STIM1: variants seen among roughly 807,000 people sequenced by gnomAD.
The protein encoded by STIM1 is stromal interaction molecule 1.
STIM1 carries 25 observed loss-of-function variants against 74.7 expected under a neutral mutation model. The observed-to-expected ratio is 0.33, with a 90% CI of 0.24 to 0.47. STIM1 has a LOEUF of 0.47. STIM1 is among the 20% of genes least tolerant of loss of function. The probability of loss-of-function intolerance (pLI) is 1.00; values close to 1 mark genes in which losing one functional copy is unlikely to be tolerated. For synonymous variants in STIM1, 328 were observed against 348.8 expected (o/e 0.94, Z 0.66); for missense variants, 728 against 920.8 (o/e 0.79, Z 2.71).
chr11:4,064,863 A>T (rs951897390), intron 5 of STIM1, among the ~76,000 whole-genome samples: 1 of 152,240 alleles, frequency 6.6e-6, no homozygotes, highest in East Asian at 1.9e-4. Flanking sequence ...GGGCTCGCCA[A>T]ACAGTACCAG....
intron 1 of STIM1, among the ~76,000 whole-genome samples, chr11:3,866,937 C>G (rs576344094): frequency 2.6e-4 from 40 of 152,264 alleles, no homozygotes; most frequent in African/African-American, 8.9e-4. Flanking sequence ...AGAGCCATGT[C>G]TGGTTTGTTG....
intron 2 of STIM1, among the ~76,000 whole-genome samples, chr11:4,001,709 A>G (rs2093719410): frequency 6.6e-6 from 1 of 151,774 alleles, no homozygotes; most frequent in Admixed American, 6.6e-5. Flanking sequence ...TAACATCATA[A>G]TGACAGGATC....
chr11:3,884,004 A>G (rs1026396911), intron 1 of STIM1, among the ~76,000 whole-genome samples: 6 of 152,184 alleles, frequency 3.9e-5, no homozygotes, highest in African/African-American at 1.4e-4. Flanking sequence ...CAAGGAGATA[A>G]GTAATATAAT....
In STIM1 at chr11:4,041,063, A is replaced by C. The variant is rs571563902; in HGVS notation, c.386-14463A>C. ...AATTCACAGTTCCAGGTCACACACT[A>C]TCTTTAGGAAGGGCCACTTTGGAAG... On this transcript the variant is annotated intron_variant, in intron 3 of 12. Coordinates refer to ENST00000526596, the MANE Select transcript of STIM1 (RefSeq NM_001382567.1). 2.0e-5 allele frequency among the ~76,000 whole-genome samples: 3 copies of C among 152,202 alleles called. No homozygotes were observed. In the South Asian group the frequency reaches 6.2e-4, roughly 32 times the overall value.
chr11:3,983,170 G>C (rs2093523722), intron 2 of STIM1, among the ~76,000 whole-genome samples: 1 of 152,184 alleles, frequency 6.6e-6, no homozygotes, highest in East Asian at 1.9e-4. Flanking sequence ...CTGGTTTCCA[G>C]TAATCGGCCT....
At chr11:3,866,085 C>A (rs2090844900) in intron 1 of STIM1, among the ~76,000 whole-genome samples, 1 of 152,188 alleles carries the variant, frequency 6.6e-6, no homozygotes. Flanking sequence ...TTTCCTGACA[C>A]AGAGTTCCAG....
At chr11:4,014,854 C>G (rs1162447045) in intron 2 of STIM1, among the ~76,000 whole-genome samples, 2 of 152,192 alleles carry the variant, frequency 1.3e-5, no homozygotes, top group South Asian at 2.1e-4. Context: ...TCTGTTTTAT[C>G]AGAGACTAGG....
intron 10 of STIM1, among the ~76,000 whole-genome samples, chr11:4,084,226 T>C (rs751927740): frequency 1.3e-5 from 2 of 152,240 alleles, no homozygotes; most frequent in Non-Finnish European, 2.9e-5. Flanking sequence ...GATCAGATGC[T>C]ATTTTAAGTA....
intron 1 of STIM1, among the ~76,000 whole-genome samples, chr11:3,904,519 G>A (rs764981606): frequency 2.6e-5 from 4 of 152,150 alleles, no homozygotes; most frequent in African/African-American, 4.8e-5. Context: ...AAGCTTTACC[G>A]TCGATATTTA....
At position 4,086,490 on chromosome 11, in the gene STIM1, G is replaced by C. The variant is rs761641457; in HGVS notation, c.1581G>C (p.Gln527His). The change falls in exon 12 of 13, where the codon CAG becomes CAC. Residue 527 changes from glutamine to histidine, a missense_variant. Physicochemically the swap from Gln to His is conservative, Grantham distance 24 (BLOSUM62 0). Coordinates refer to ENST00000526596, the MANE Select transcript of STIM1 (RefSeq NM_001382567.1). ...SLWKYPAPSL[Q>H]SSVRQRLTEP... ...TTCTCCTTGCAGCCCCTAGCCTGCA[G>C]AGCAGTGTTCGGCAGCGCCTGACGG... The C allele has an allele frequency of 6.2e-7, 1 of 1,614,150 alleles. No homozygotes were observed. Among genetic ancestry groups the C allele is most frequent in the Non-Finnish European group, 8.5e-7 (1 of 1,180,032 alleles).
At chr11:4,086,014 TTAA>T (rs2094491100) in intron 11 of STIM1, among the ~76,000 whole-genome samples, 3 of 152,250 alleles carry the variant, frequency 2.0e-5, no homozygotes, top group Admixed American at 6.5e-5. Flanking sequence ...CATACAACTA[TTAA>T]TAAAAAGTAA....
intron 2 of STIM1, among the ~76,000 whole-genome samples, chr11:3,993,052 A>G (rs930022750): frequency 1.4e-5 from 2 of 147,752 alleles, no homozygotes; most frequent in African/African-American, 2.5e-5. Flanking sequence ...TGTAGCAGCT[A>G]GAGAGCTTTT....
At chr11:3,955,429 C>G (rs1450308831) in intron 1 of STIM1, among the ~76,000 whole-genome samples, 1 of 151,996 alleles carries the variant, frequency 6.6e-6, no homozygotes, top group East Asian at 1.9e-4. Flanking sequence ...ACAGGTAAAA[C>G]TCGTCTATGA....
At position 4,065,321 on chromosome 11, in the gene STIM1, A is replaced by G. The variant is rs2094358164; in HGVS notation, c.614-4705A>G. Among the ~76,000 whole-genome samples, 6 of 152,124 alleles carry G rather than the reference A, an allele frequency of 3.9e-5. No homozygotes were observed. In the South Asian group the frequency reaches 1.2e-3, roughly 31 times the overall value. On this transcript the variant is annotated intron_variant, in intron 5 of 12. Transcript: ENST00000526596. ...TGCTTTTCTGGCAAAGCTCACTCTGATCTCTGTACCTGCATCCTTACCCTC... is the reference window on the plus strand; with the variant it reads ...TGCTTTTCTGGCAAAGCTCACTCTGGTCTCTGTACCTGCATCCTTACCCTC...
chr11:3,873,656 A>T (rs1009745576), intron 1 of STIM1, among the ~76,000 whole-genome samples: 1 of 152,018 alleles, frequency 6.6e-6, no homozygotes, highest in African/African-American at 2.4e-5. Flanking sequence ...TGCATTCTGG[A>T]GTGAGGGGTG....
At chr11:3,913,955 A>T (rs868522416) in intron 1 of STIM1, among the ~76,000 whole-genome samples, 37 of 151,572 alleles carry the variant, frequency 2.4e-4, no homozygotes, top group Middle Eastern at 3.4e-3. Flanking sequence ...TTTTTTTATT[A>T]TTTTTTTTGG....
rs2090464091 is a variant in STIM1, at chr11:3,858,277, A to G, written c.139+1868A>G. On this transcript the variant is annotated intron_variant, in intron 1 of 12. Coordinates refer to ENST00000526596, the MANE Select transcript of STIM1 (RefSeq NM_001382567.1). ...TTGTTTTTCGCCTGAAGTAAAAGGC[A>G]TTCTAGCCTTCCTCAGGACCACCCC... Among the ~76,000 whole-genome samples, 2 of 148,722 alleles carry G rather than the reference A, an allele frequency of 1.3e-5. 1 individual carries two copies. Among genetic ancestry groups the G allele is most frequent in the Non-Finnish European group, 3.0e-5 (2 of 67,384 alleles).
At chr11:4,062,055 G>T (rs928557357) in intron 5 of STIM1, among the ~76,000 whole-genome samples, 1 of 152,302 alleles carries the variant, frequency 6.6e-6, no homozygotes, top group South Asian at 2.1e-4. Context: ...TTTGGAACTA[G>T]ATAGAGGTAG....
intron 2 of STIM1, among the ~76,000 whole-genome samples, chr11:3,968,297 G>A (rs1012015749): frequency 6.6e-6 from 1 of 152,200 alleles, no homozygotes; most frequent in Admixed American, 6.5e-5. Context: ...AGAGAATAAG[G>A]TCATTATGTG....
Sources: gnomAD v4.1 joint callset for allele counts (sites outside exome capture counted in the v4.1 genomes callset) on GRCh38, gnomAD v4.1.1 for gene constraint, MANE v1.5 for transcripts, NCBI Gene and HGNC (gene_info 2026-07-23, HGNC 2026-07-21) for gene names.